CNTNAP2: variants seen among roughly 807,000 people sequenced by gnomAD.
CNTNAP2 encodes contactin associated protein 2.
In CNTNAP2, 98 loss-of-function variants were observed where a neutral mutation model predicts 155.2. The ratio of observed to expected loss-of-function variants is 0.63; its 90% CI spans 0.54 to 0.75. The LOEUF (loss-of-function observed/expected upper bound fraction) is 0.75. Among genes scored for constraint, CNTNAP2 ranks in the 30% least tolerant of loss-of-function variants. CNTNAP2 has a pLI of 0.00. For missense variants in CNTNAP2, 1,727 were observed against 1,688.1 expected (o/e 1.02, Z -0.40); for synonymous variants, 651 against 631.2 (o/e 1.03, Z -0.47).
chr7:146,806,477 C>G (rs1802969033), intron 2 of CNTNAP2, among the ~76,000 whole-genome samples: 1 of 142,358 alleles, frequency 7.0e-6, no homozygotes, highest in Non-Finnish European at 1.5e-5. Flanking sequence ...GCTTAGGCAA[C>G]AAGAGCAAAA....
chr7:147,984,528 G>A (rs771190781), intron 15 of CNTNAP2, among the ~76,000 whole-genome samples: 2 of 151,994 alleles, frequency 1.3e-5, no homozygotes, highest in Non-Finnish European at 2.9e-5. Context: ...CAGAGCTGAT[G>A]TTAGGATAAA....
intron 1 of CNTNAP2, among the ~76,000 whole-genome samples, chr7:146,532,209 G>T (rs1797780499): frequency 6.6e-6 from 1 of 152,044 alleles, no homozygotes; most frequent in Non-Finnish European, 1.5e-5. Context: ...TTTCAAATGA[G>T]AAAATAGGTA....
chr7:147,575,696 A>T (rs1563004715), intron 12 of CNTNAP2, among the ~76,000 whole-genome samples: 4 of 152,006 alleles, frequency 2.6e-5, no homozygotes, highest in African/African-American at 9.7e-5. Flanking sequence ...TACATGTTTC[A>T]AAACACGTAT....
intron 1 of CNTNAP2, among the ~76,000 whole-genome samples, chr7:146,527,680 G>A (rs1797710840): frequency 6.6e-6 from 1 of 151,898 alleles, no homozygotes. Flanking sequence ...AGGAAATAGT[G>A]AATTAGTCAT....
chr7:146,286,645 T>C (rs1272645189), intron 1 of CNTNAP2, among the ~76,000 whole-genome samples: 1 of 152,094 alleles, frequency 6.6e-6, no homozygotes, highest in Non-Finnish European at 1.5e-5. Flanking sequence ...ACAGCCCAAA[T>C]CCTGAATACA....
At chr7:148,275,276 G>A (rs1796852813) in intron 21 of CNTNAP2, among the ~76,000 whole-genome samples, 2 of 152,108 alleles carry the variant, frequency 1.3e-5, no homozygotes, top group Admixed American at 6.5e-5. Flanking sequence ...AAGAGGGTGG[G>A]ATAAATGAAA....
At chr7:147,145,930 A>G (rs1484504851) in intron 8 of CNTNAP2, among the ~76,000 whole-genome samples, 2 of 152,174 alleles carry the variant, frequency 1.3e-5, no homozygotes, top group Non-Finnish European at 2.9e-5. Flanking sequence ...TTTTCTACAG[A>G]TGTCAAGCTC....
chr7:147,714,374 G>C (rs1433469984), intron 13 of CNTNAP2, among the ~76,000 whole-genome samples: 1 of 152,000 alleles, frequency 6.6e-6, no homozygotes, highest in African/African-American at 2.4e-5. Flanking sequence ...AAAGTACTTG[G>C]GAGAGGCAAG....
rs1335744313 is a variant in CNTNAP2 at position 148,227,208 on chromosome 7, C to T, written c.3248-2438C>T. Among the ~76,000 whole-genome samples the T allele has an allele frequency of 3.9e-5, 6 of 152,040 alleles. No individual in the cohort carries two copies. In the East Asian group the frequency reaches 5.8e-4, roughly 15 times the overall value. ...CCCGGGAGGTGAATGAATTCTGTGC[C>T]GAGTGAAGATGAGGCCTGAGAGGGA... is the stretch of plus-strand genomic sequence containing the variant. On this transcript the variant is annotated intron_variant, in intron 19 of 23. Transcript: ENST00000361727.
chr7:147,259,955 A>G (rs928290243), intron 8 of CNTNAP2, among the ~76,000 whole-genome samples: 3 of 152,188 alleles, frequency 2.0e-5, no homozygotes, highest in African/African-American at 7.2e-5. Flanking sequence ...GTAACTGAGT[A>G]CATTTTCCAC....
intron 18 of CNTNAP2, among the ~76,000 whole-genome samples, chr7:148,186,999 T>C (rs944766369): frequency 1.3e-5 from 2 of 152,136 alleles, no homozygotes; most frequent in Non-Finnish European, 2.9e-5. Context: ...TTCTATCTTA[T>C]CACCCTGATG....
chr7:146,242,432 G>T (rs183286827), intron 1 of CNTNAP2, among the ~76,000 whole-genome samples: 2 of 151,856 alleles, frequency 1.3e-5, no homozygotes, highest in Non-Finnish European at 2.9e-5. Flanking sequence ...CCAGCTACTC[G>T]GGAGGCTAAG....
intron 1 of CNTNAP2, among the ~76,000 whole-genome samples, chr7:146,515,008 C>G (rs1256438374): frequency 6.6e-6 from 1 of 151,928 alleles, no homozygotes; most frequent in African/African-American, 2.4e-5. Context: ...GATGGGTTTC[C>G]CAAATGGAAT....
At chr7:147,914,341 G>A (rs1009228411) in intron 14 of CNTNAP2, among the ~76,000 whole-genome samples, 2 of 152,080 alleles carry the variant, frequency 1.3e-5, no homozygotes, top group Non-Finnish European at 2.9e-5. Context: ...AGGGGTTTGA[G>A]ACTAGCCTGG....
At chr7:147,017,310 T>TA (rs1170591665) in intron 3 of CNTNAP2, among the ~76,000 whole-genome samples, 1 of 152,026 alleles carries the variant, frequency 6.6e-6, no homozygotes, top group African/African-American at 2.4e-5. Context: ...AGCCATTTCT[T>TA]AAAATACAAC....
chr7:146,762,046 T>A (rs966408452), intron 1 of CNTNAP2, among the ~76,000 whole-genome samples: 78 of 152,216 alleles, frequency 5.1e-4, no homozygotes, highest in African/African-American at 1.8e-3. Context: ...TTACATTGTT[T>A]AAGATAAATT....
At chr7:147,707,156 A>G (rs1418621786) in intron 13 of CNTNAP2, among the ~76,000 whole-genome samples, 1 of 152,126 alleles carries the variant, frequency 6.6e-6, no homozygotes, top group East Asian at 1.9e-4. Context: ...TTGCCAGAAA[A>G]TTCTTGTGTT....
intron 17 of CNTNAP2, among the ~76,000 whole-genome samples, chr7:148,153,003 T>G (rs1264493388): frequency 8.9e-6 from 1 of 112,560 alleles, no homozygotes; most frequent in Non-Finnish European, 1.6e-5. Flanking sequence ...CCTGGGTGAC[T>G]GAGCAAGACT....
chr7:148,015,793 A>G (rs911890298), intron 15 of CNTNAP2, among the ~76,000 whole-genome samples: 1 of 152,240 alleles, frequency 6.6e-6, no homozygotes, highest in Non-Finnish European at 1.5e-5. Flanking sequence ...TTCAATCCAG[A>G]AGACAAAGAG....
Sources: allele counts gnomAD v4.1 joint callset (sites outside exome capture counted in the v4.1 genomes callset), GRCh38; gene constraint gnomAD v4.1.1; transcripts MANE v1.5; gene names NCBI Gene and HGNC (gene_info 2026-07-23, HGNC 2026-07-21).